The following TMEM267 variants were observed in gnomAD, a reference collection of about 807,000 sequenced individuals.
The protein encoded by TMEM267 is transmembrane protein C5orf28.
TMEM267 carries 20 observed loss-of-function variants against 19.3 expected under a neutral mutation model. That is an observed-to-expected ratio of 1.04 (90% CI 0.73 to 1.51). TMEM267 has a LOEUF of 1.51. TMEM267 is among the 40% of genes most tolerant of loss of function. TMEM267 has a pLI of 0.00. For missense variants in TMEM267, 242 were observed against 261.9 expected (o/e 0.92, Z 0.52); for synonymous variants, 88 against 90.3 (o/e 0.97, Z 0.15).
chr5:43,477,979 T>C (rs1579834019), intron 1 of TMEM267, among the ~76,000 whole-genome samples: 1 of 152,322 alleles, frequency 6.6e-6, no homozygotes, highest in East Asian at 1.9e-4. Context: ...TCAACTTATG[T>C]AATTTTTGAC....
At chr5:43,465,463 G>GT (rs1743597888) in intron 1 of TMEM267, among the ~76,000 whole-genome samples, 1 of 152,140 alleles carries the variant, frequency 6.6e-6, no homozygotes, top group Non-Finnish European at 1.5e-5. Context: ...CCATTACTGG[G>GT]TATATACCCA....
intron 1 of TMEM267, among the ~76,000 whole-genome samples, chr5:43,474,759 C>CAAAAA (rs1175355175): frequency 8.7e-5 from 5 of 57,448 alleles, no homozygotes; most frequent in African/African-American, 1.2e-4. Flanking sequence ...AACTCTGTCT[C>CAAAAA]AAAAAAAAAA....
chr5:43,480,797 C>CTTTATT (rs1744711675), intron 1 of TMEM267, among the ~76,000 whole-genome samples: 1 of 79,582 alleles, frequency 1.3e-5, no homozygotes, highest in African/African-American at 5.7e-5. Flanking sequence ...AATAATCTTA[C>CTTTATT]TTTTTTTTTT....
At chr5:43,457,868 T>G (rs1015055948) in intron 1 of TMEM267, among the ~76,000 whole-genome samples, 1 of 152,198 alleles carries the variant, frequency 6.6e-6, no homozygotes, top group Non-Finnish European at 1.5e-5. Flanking sequence ...TTTTTCTGTA[T>G]GTTTGAAATT....
intron 1 of TMEM267, among the ~76,000 whole-genome samples, chr5:43,457,577 C>A (rs764116766): frequency 2.2e-4 from 34 of 152,184 alleles, no homozygotes; most frequent in African/African-American, 7.7e-4. Flanking sequence ...CTCGTGAGAA[C>A]GAACTCACTA....
At chr5:43,456,135 C>T (rs2112065447) in intron 1 of TMEM267, among the ~76,000 whole-genome samples, 1 of 152,262 alleles carries the variant, frequency 6.6e-6, no homozygotes, top group South Asian at 2.1e-4. Context: ...CATGCCCAGC[C>T]TGGTCAATTA....
intron 1 of TMEM267, among the ~76,000 whole-genome samples, chr5:43,473,750 G>A (rs1326525946): frequency 6.6e-6 from 1 of 152,030 alleles, no homozygotes; most frequent in Non-Finnish European, 1.5e-5. Flanking sequence ...CACAAAATTG[G>A]AAAAAACAAC....
chr5:43,454,094 T>C, intron 1 of TMEM267, 51 bp from the exon 2 acceptor site: 1 of 1,270,958 alleles, frequency 7.9e-7, no homozygotes, highest in Non-Finnish European at 1.1e-6. Flanking sequence ...GACTACCATA[T>C]AATATTTAAA....
At chr5:43,474,587 C>G (rs538048633) in intron 1 of TMEM267, among the ~76,000 whole-genome samples, 13 of 151,988 alleles carry the variant, frequency 8.6e-5, no homozygotes, top group African/African-American at 2.9e-4. Context: ...CGGAGAAATC[C>G]CATCTCTACT....
intron 1 of TMEM267, among the ~76,000 whole-genome samples, chr5:43,455,107 C>T (rs1742866936): frequency 6.6e-6 from 1 of 151,998 alleles, no homozygotes; most frequent in Non-Finnish European, 1.5e-5. Flanking sequence ...CTACTTATGC[C>T]ATCTTATTTT....
At chr5:43,451,014 T>G (rs1742554405) in intron 2 of TMEM267, among the ~76,000 whole-genome samples, 1 of 152,034 alleles carries the variant, frequency 6.6e-6, no homozygotes, top group African/African-American at 2.4e-5. Context: ...TTTTTTTGTA[T>G]TTTTAGTAGA....
intron 2 of TMEM267, among the ~76,000 whole-genome samples, chr5:43,448,242 T>C (rs1427927853): frequency 7.2e-5 from 11 of 152,212 alleles, no homozygotes; most frequent in Non-Finnish European, 4.4e-5. Context: ...CTCCTCCACA[T>C]TTTGTTTTAC....
intron 1 of TMEM267, among the ~76,000 whole-genome samples, chr5:43,461,607 T>C (rs1454815408): frequency 2.0e-5 from 3 of 152,062 alleles, no homozygotes; most frequent in African/African-American, 7.2e-5. Flanking sequence ...ACAAACTGAC[T>C]TAAGAGACCT....
chr5:43,464,940 GC>G, intron 1 of TMEM267, among the ~76,000 whole-genome samples: 1 of 152,182 alleles, frequency 6.6e-6, no homozygotes, highest in Non-Finnish European at 1.5e-5. Context: ...GGCAACCAAA[GC>G]CAAAATTGAC....
intron 1 of TMEM267, among the ~76,000 whole-genome samples, chr5:43,477,957 G>A (rs889374254): frequency 7.9e-5 from 12 of 152,110 alleles, no homozygotes; most frequent in South Asian, 4.1e-4. Context: ...GTTTGTGGGC[G>A]TTAATGTATT....
intron 2 of TMEM267, among the ~76,000 whole-genome samples, 180 bp from the exon 3 acceptor site, chr5:43,446,737 T>C (rs1742264478): frequency 6.6e-6 from 1 of 152,080 alleles, no homozygotes; most frequent in Non-Finnish European, 1.5e-5. Flanking sequence ...TATAAAAGTG[T>C]GAGCAGGATA....
At chr5:43,470,852 G>A (rs1031499797) in intron 1 of TMEM267, among the ~76,000 whole-genome samples, 3 of 151,862 alleles carry the variant, frequency 2.0e-5, no homozygotes, top group Admixed American at 6.6e-5. Flanking sequence ...CTAAAGACGC[G>A]ACAAGAAAAC....
At chr5:43,449,172 T>G (rs1263617441) in intron 2 of TMEM267, among the ~76,000 whole-genome samples, 1 of 152,072 alleles carries the variant, frequency 6.6e-6, no homozygotes. Flanking sequence ...CTCAGGAGGC[T>G]GAGGCATGAG....
intron 1 of TMEM267, among the ~76,000 whole-genome samples, chr5:43,461,447 A>T (rs1481180636): frequency 6.6e-6 from 1 of 152,214 alleles, no homozygotes; most frequent in Non-Finnish European, 1.5e-5. Flanking sequence ...CTTAGGTATC[A>T]GCACAGGCAT....
Sources: allele counts gnomAD v4.1 joint callset (sites outside exome capture counted in the v4.1 genomes callset), GRCh38; gene constraint gnomAD v4.1.1; transcripts MANE v1.5; gene names NCBI Gene and HGNC (gene_info 2026-07-23, HGNC 2026-07-21).